GNE: variants seen among roughly 807,000 people sequenced by gnomAD.
The protein encoded by GNE is glucosamine (UDP-N-acetyl)-2-epimerase/N-acetylmannosamine kinase, also known as bifunctional UDP-N-acetylglucosamine 2-epimerase/N-acetylmannosamine kinase.
A neutral mutation model predicts 61.8 loss-of-function variants in GNE; 41 were observed. The ratio of observed to expected loss-of-function variants is 0.66; its 90% CI spans 0.52 to 0.86. The LOEUF is 0.86. Among genes scored for constraint, GNE ranks in the 40% least tolerant of loss-of-function variants. GNE has a pLI of 0.00. For synonymous variants in GNE, 264 were observed against 326.4 expected (o/e 0.81, Z 2.06); for missense variants, 608 against 909.1 (o/e 0.67, Z 4.26).
chr9:36,219,734 AGG>A, intron 10 of GNE, 102 bp downstream of exon 10: 1 of 1,040,352 alleles, frequency 9.6e-7, no homozygotes, highest in Non-Finnish European at 1.5e-6. Flanking sequence ...AGAAGTGAAA[AGG>A]GGGAAACTTC....
At chr9:36,263,537 C>T (rs1830676750) in intron 1 of GNE, 1 of 153,282 alleles carries the variant, frequency 6.5e-6, no homozygotes, top group Non-Finnish European at 1.5e-5. Context: ...ATCCAGCCCA[C>T]ATCTCTCTGA....
intron 9 of GNE, 52 bp downstream of exon 9, chr9:36,222,725 T>C (rs995986697): frequency 2.6e-6 from 3 of 1,169,368 alleles, no homozygotes; most frequent in African/African-American, 3.0e-5. Flanking sequence ...GTTGAAGACA[T>C]GCTCCAATAT....
chr9:36,253,679 G>A (rs1830209852), intron 1 of GNE, among the ~76,000 whole-genome samples: 1 of 152,038 alleles, frequency 6.6e-6, no homozygotes, highest in Non-Finnish European at 1.5e-5. Context: ...CAAAATTTTG[G>A]AAATTGCTGG....
intron 3 of GNE, among the ~76,000 whole-genome samples, chr9:36,242,427 T>G (rs1829671920): frequency 6.6e-6 from 1 of 152,242 alleles, no homozygotes; most frequent in East Asian, 1.9e-4. Flanking sequence ...TTATTTGCTG[T>G]TTTTTGTTTT....
At chr9:36,276,037 G>T (rs1447620775) in intron 1 of GNE, among the ~76,000 whole-genome samples, 2 of 152,072 alleles carry the variant, frequency 1.3e-5, no homozygotes, top group Admixed American at 6.6e-5. Flanking sequence ...GCCGGGTATG[G>T]TAGTCTGTGT....
chr9:36,249,705 C>T (rs1246777691), intron 1 of GNE, among the ~76,000 whole-genome samples: 3 of 151,688 alleles, frequency 2.0e-5, no homozygotes, highest in Admixed American at 6.6e-5. Context: ...GGTGAAACCC[C>T]GTCTCTACTA....
At chr9:36,220,855 T>C (rs1367928625) in intron 9 of GNE, among the ~76,000 whole-genome samples, 5 of 152,260 alleles carry the variant, frequency 3.3e-5, no homozygotes, top group Admixed American at 6.5e-5. Flanking sequence ...GTATTGTGCC[T>C]GAGAAGGCTC....
At chr9:36,252,510 G>A (rs774379526) in intron 1 of GNE, among the ~76,000 whole-genome samples, 10 of 152,046 alleles carry the variant, frequency 6.6e-5, no homozygotes, top group Non-Finnish European at 1.5e-4. Flanking sequence ...TTATTTACCA[G>A]GTTACTCAAA....
In GNE at chr9:36,219,879, G is replaced by T; in HGVS notation, c.1775C>A (p.Ser592Tyr). Residue 592 changes from serine (S) to tyrosine (Y), a missense_variant, in exon 10 of 12, where the codon TCT (serine) becomes TAT (tyrosine). By Grantham distance (144) the Ser-to-Tyr change is moderately radical. Coordinates refer to ENST00000642385, the MANE Select transcript of GNE (RefSeq NM_005476.7). ...GSHGCIEAYASGMALQREAKK... is the reference protein window; with the variant it reads ...GSHGCIEAYAYGMALQREAKK... ...TGCCTCCCTCTGCAAGGCCATTCCA[G>T]AGGCGTATGCTTCAATGCACCCATG... 6.2e-7 allele frequency: 1 copy of T among 1,614,188 alleles called. No individual in the cohort carries two copies. The highest frequency in any genetic ancestry group is 8.5e-7 in the Non-Finnish European group (1 of 1,180,022).
intron 5 of GNE, among the ~76,000 whole-genome samples, chr9:36,230,417 G>T (rs546713894): frequency 2.0e-5 from 3 of 152,154 alleles, no homozygotes; most frequent in Non-Finnish European, 4.4e-5. Flanking sequence ...AAAGATTGAA[G>T]GGCTCCAGAG....
At position 36,240,101 on chromosome 9, in the gene GNE, T is replaced by C. The variant is rs543017616; in HGVS notation, c.617-3117A>G. On this transcript the variant is annotated intron_variant, in intron 3 of 11. Transcript: ENST00000642385. ...GGATTTTCAAGGTAAATAATCATAT[T>C]GTCAGCAAAGAGTGACGGTTTGACT... Among the ~76,000 whole-genome samples, 933 of 152,228 alleles carry C rather than the reference T, an allele frequency of 6.1e-3. 11 individuals carry two copies. The highest frequency in any genetic ancestry group is 0.021 in the African/African-American group (856 of 41,528).
intron 1 of GNE, among the ~76,000 whole-genome samples, chr9:36,251,402 GA>G (rs1830101128): frequency 6.6e-6 from 1 of 152,124 alleles, no homozygotes; most frequent in Admixed American, 6.6e-5. Flanking sequence ...TTGTTTTATG[GA>G]ATTTTTTAAA....
At position 36,217,429 on chromosome 9, in the gene GNE, A is replaced by G. The variant is rs370918582; in HGVS notation, c.2105T>C (p.Val702Ala). 4 of 1,614,082 alleles carry G rather than the reference A, an allele frequency of 2.5e-6. No individual in the cohort carries two copies. In the African/African-American group the frequency reaches 4.0e-5, roughly 16 times the overall value. The change falls in exon 12 of 12, where the codon GTT becomes GCT. Residue 702 changes from valine to alanine, a missense_variant. Transcript: ENST00000642385. ...GGCAGCACCCAGCAGGGCGGGGTCA[A>G]CCAAATCCGAAACCACCACATCCAC... ...QDVDVVVSDLVDPALLGAASM... is the reference protein window; with the variant it reads ...QDVDVVVSDLADPALLGAASM...
At chr9:36,232,230 T>A (rs1829188038) in intron 5 of GNE, among the ~76,000 whole-genome samples, 1 of 152,114 alleles carries the variant, frequency 6.6e-6, no homozygotes, top group South Asian at 2.1e-4. Context: ...GACCCAAATC[T>A]AACTTTTTTC....
At position 36,215,172 on chromosome 9, in the gene GNE, A is replaced by G. The variant is rs1228891613; in HGVS notation, c.*2193T>C. 1 of 152,004 alleles carries G rather than the reference A, an allele frequency of 6.6e-6. No homozygotes were observed. Among genetic ancestry groups the G allele is most frequent in the Non-Finnish European group, 1.5e-5 (1 of 68,024 alleles). The allele number at this position is 152,004 out of a possible 1,614,324, so 9.4% of individuals were successfully genotyped here. ...AAACCCTGTCTACTAAAAATACAAA[A>G]AAAAATCAGCCGGGCGTGGTGCATG... On this transcript the variant is annotated 3_prime_UTR_variant, in exon 12 of 12. Coordinates refer to ENST00000642385, the MANE Select transcript of GNE (RefSeq NM_005476.7).
chr9:36,225,311 G>C (rs939374455), intron 7 of GNE, among the ~76,000 whole-genome samples: 64 of 151,984 alleles, frequency 4.2e-4, no homozygotes, highest in Non-Finnish European at 4.6e-4. Context: ...CTCAAATATA[G>C]GGTTAGAGCT....
chr9:36,222,429 A>AC (rs1014574665), intron 9 of GNE, among the ~76,000 whole-genome samples: 3 of 152,024 alleles, frequency 2.0e-5, no homozygotes, highest in Non-Finnish European at 4.4e-5. Flanking sequence ...AAAAAAAAAA[A>AC]AAAAAACATT....
Position 36,224,199 on chromosome 9 carries a change from T to A in GNE, c.1282-697A>T, listed in dbSNP as rs944543245. Among the ~76,000 whole-genome samples, 20 of 151,782 alleles carry A rather than the reference T, an allele frequency of 1.3e-4. 1 individual carries two copies. The highest frequency in any genetic ancestry group is 4.4e-5 in the Non-Finnish European group (3 of 67,920). On this transcript the variant is annotated intron_variant, in intron 7 of 11. Coordinates refer to ENST00000642385, the MANE Select transcript of GNE (RefSeq NM_005476.7). ...GCTCACGCCTGTAATCCCGGCACTT[T>A]GGGAGGCCAAGGCGGGAGAATCGCT... is the stretch of plus-strand genomic sequence containing the variant.
At chr9:36,257,118 T>C (rs1830386779) in intron 1 of GNE, among the ~76,000 whole-genome samples, 1 of 151,626 alleles carries the variant, frequency 6.6e-6, no homozygotes, top group African/African-American at 2.4e-5. Flanking sequence ...GCAGGAGAAT[T>C]ACTTGAACCC....
Sources: gnomAD v4.1 joint callset for allele counts (sites outside exome capture counted in the v4.1 genomes callset) on GRCh38, gnomAD v4.1.1 for gene constraint, MANE v1.5 for transcripts, NCBI Gene and HGNC (gene_info 2026-07-23, HGNC 2026-07-21) for gene names.